The following PRKCQ variants were observed in gnomAD, a reference collection of about 807,000 sequenced individuals.
The protein encoded by PRKCQ is protein kinase C theta type.
A neutral mutation model predicts 91.2 loss-of-function variants in PRKCQ; 41 were observed. The ratio of observed to expected loss-of-function variants is 0.45; its 90% CI spans 0.35 to 0.58. The LOEUF (loss-of-function observed/expected upper bound fraction) is 0.58. Among genes scored for constraint, PRKCQ ranks in the 20% least tolerant of loss-of-function variants. The pLI, the probability that PRKCQ is intolerant of heterozygous loss-of-function variation, is 0.00. For synonymous variants in PRKCQ, 307 were observed against 316.9 expected (o/e 0.97, Z 0.33); for missense variants, 673 against 896.5 (o/e 0.75, Z 3.18).
At chr10:6,395,075 T>TTTTTTTTTTTTTTTTTC in the PRKCQ span, among the ~76,000 whole-genome samples, 2 of 135,764 alleles carry the variant, frequency 1.5e-5, no homozygotes, top group Admixed American at 7.2e-5. Context: ...TTTTTTTTTT[T>TTTTTTTTTTTTTTTTTC]TTTTTGAGAC....
At chr10:6,526,441 C>T (rs1839199518) in intron 1 of PRKCQ, among the ~76,000 whole-genome samples, 1 of 152,072 alleles carries the variant, frequency 6.6e-6, no homozygotes, top group Non-Finnish European at 1.5e-5. Context: ...CACCAGGTGA[C>T]TCCCATGAAA....
chr10:6,410,946 C>CA, the PRKCQ span, among the ~76,000 whole-genome samples: 1 of 143,860 alleles, frequency 7.0e-6, no homozygotes, highest in Admixed American at 7.3e-5. Flanking sequence ...CACTGCACTC[C>CA]AGCCCAGGCG....
At position 6,550,514 on chromosome 10, in the gene PRKCQ, T is replaced by C. The variant is rs184636221; in HGVS notation, c.-10+29697A>G. On this transcript the variant is annotated intron_variant, in intron 1 of 17. Coordinates refer to ENST00000263125, the MANE Select transcript of PRKCQ (RefSeq NM_006257.5). The stretch of plus-strand genomic sequence containing the variant: ...GTCTCAAACTCCTGGCCTCAAGTGA[T>C]CAGCCTGCCTCAGCCTCCCAAAGTG... Among the ~76,000 whole-genome samples the C allele has an allele frequency of 1.2e-4, 19 of 152,346 alleles. No homozygotes were observed. In the East Asian group the frequency reaches 3.7e-3, roughly 29 times the overall value.
intron 1 of PRKCQ, among the ~76,000 whole-genome samples, chr10:6,577,464 C>T (rs1841286116): frequency 6.6e-6 from 1 of 152,078 alleles, no homozygotes; most frequent in Admixed American, 6.5e-5. Context: ...AGTGTTAAAA[C>T]AACAGAAACA....
At chr10:6,443,213 T>G (rs1714643223) in intron 15 of PRKCQ, among the ~76,000 whole-genome samples, 1 of 152,218 alleles carries the variant, frequency 6.6e-6, no homozygotes, top group Non-Finnish European at 1.5e-5. Context: ...GCCATTCTGC[T>G]CAGCGTCTGA....
At position 6,428,091 on chromosome 10, in the gene PRKCQ, C is replaced by T; in HGVS notation, c.*116G>A. Reference sequence around the variant, plus strand: ...CACATGGGGGCGAACGGGTCTCAGTCTTTATTGTTGAGTGTTTCTTTCTTT... The same window carrying T: ...CACATGGGGGCGAACGGGTCTCAGTTTTTATTGTTGAGTGTTTCTTTCTTT... On this transcript the variant is annotated 3_prime_UTR_variant, in exon 18 of 18. Transcript: ENST00000263125. The T allele has an allele frequency of 7.3e-7, 1 of 1,368,776 alleles. No homozygotes were observed. Among genetic ancestry groups the T allele is most frequent in the Non-Finnish European group, 1.0e-6 (1 of 982,006 alleles). The allele number at this position is 1,368,776 out of a possible 1,614,324, so 84.8% of individuals were successfully genotyped here. A position where few individuals can be genotyped will look rare whatever the true frequency, so the allele number is the denominator to read the frequency against.
intron 4 of PRKCQ, among the ~76,000 whole-genome samples, chr10:6,505,083 CGG>C (rs1056244689): frequency 4.7e-4 from 72 of 152,064 alleles, no homozygotes; most frequent in African/African-American, 1.6e-3. Flanking sequence ...TTAGTAGAGA[CGG>C]GGTTCCACCA....
At chr10:6,402,807 G>A in the PRKCQ span, among the ~76,000 whole-genome samples, 17 of 152,344 alleles carry the variant, frequency 1.1e-4, no homozygotes, top group Admixed American at 7.8e-4. Context: ...CTACTTTGGA[G>A]GCTGAGACAG....
At chr10:6,529,060 T>G (rs563335095) in intron 1 of PRKCQ, among the ~76,000 whole-genome samples, 1 of 152,342 alleles carries the variant, frequency 6.6e-6, no homozygotes, top group Admixed American at 6.5e-5. Context: ...CCTGTGCCTA[T>G]CTGGGTAATT....
intron 1 of PRKCQ, among the ~76,000 whole-genome samples, chr10:6,531,460 G>A (rs1228672387): frequency 6.6e-6 from 1 of 151,306 alleles, no homozygotes; most frequent in Admixed American, 6.6e-5. Context: ...AACAACCTAC[G>A]ATGACAGGCT....
intron 14 of PRKCQ, among the ~76,000 whole-genome samples, chr10:6,459,057 G>A (rs890002196): frequency 2.6e-5 from 4 of 152,144 alleles, no homozygotes; most frequent in African/African-American, 9.7e-5. Flanking sequence ...TGCCCCTGAA[G>A]CTGGATGCAC....
chr10:6,505,469 T>TTCTC (rs34038369), intron 4 of PRKCQ, among the ~76,000 whole-genome samples: 58,478 of 144,492 alleles, frequency 0.4, 13,734 homozygotes, highest in Admixed American at 0.57. Flanking sequence ...AGGACCCTTT[T>TTCTC]TCTCCTTCCT....
the PRKCQ span, among the ~76,000 whole-genome samples, chr10:6,408,305 G>A: frequency 2.6e-5 from 4 of 152,096 alleles, no homozygotes; most frequent in Admixed American, 6.6e-5. Context: ...CTTGGACATA[G>A]ACATTTGACC....
the PRKCQ span, among the ~76,000 whole-genome samples, chr10:6,396,975 T>C: frequency 1.3e-5 from 2 of 152,338 alleles, no homozygotes; most frequent in African/African-American, 4.8e-5. Context: ...GTAGGCATCC[T>C]AGGGAGCGAA....
chr10:6,461,459 AAC>A (rs1233243677), intron 14 of PRKCQ, among the ~76,000 whole-genome samples: 1 of 152,246 alleles, frequency 6.6e-6, no homozygotes, highest in Non-Finnish European at 1.5e-5. Context: ...AAAATTATAA[AAC>A]AGATTCTTAA....
chr10:6,543,961 C>A (rs1284337626), intron 1 of PRKCQ, among the ~76,000 whole-genome samples: 1 of 152,156 alleles, frequency 6.6e-6, no homozygotes, highest in African/African-American at 2.4e-5. Context: ...TCCAACCCCA[C>A]GACACTGAGA....
intron 4 of PRKCQ, among the ~76,000 whole-genome samples, chr10:6,505,382 C>A (rs1486689766): frequency 6.6e-6 from 1 of 152,152 alleles, no homozygotes; most frequent in Admixed American, 6.5e-5. Context: ...TACTTGCATT[C>A]TGATGAAGGA....
chr10:6,418,007 C>T, the PRKCQ span, among the ~76,000 whole-genome samples: 1 of 152,188 alleles, frequency 6.6e-6, no homozygotes, highest in Non-Finnish European at 1.5e-5. Flanking sequence ...CGCCTTCTTC[C>T]GTCATCTCCC....
chr10:6,420,539 C>CT, the PRKCQ span, among the ~76,000 whole-genome samples: 550 of 152,094 alleles, frequency 3.6e-3, 7 homozygotes, highest in African/African-American at 0.012. Context: ...TCACTCCCGC[C>CT]TTTTTTTTGG....
Sources: allele counts gnomAD v4.1 joint callset (sites outside exome capture counted in the v4.1 genomes callset), GRCh38; gene constraint gnomAD v4.1.1; transcripts MANE v1.5; gene names NCBI Gene and HGNC (gene_info 2026-07-23, HGNC 2026-07-21).